LOC400499: variants seen among roughly 807,000 people sequenced by gnomAD.
chr16:11,431,829 C>A, the LOC400499 span, among the ~76,000 whole-genome samples: 1 of 152,176 alleles, frequency 6.6e-6, no homozygotes, highest in Non-Finnish European at 1.5e-5. Flanking sequence ...TGCATTAACA[C>A]GTGAGATCTA....
At chr16:11,375,583 G>A in the LOC400499 span, among the ~76,000 whole-genome samples, 16 of 151,786 alleles carry the variant, frequency 1.1e-4, 1 homozygote, top group East Asian at 1.2e-3. Context: ...AAAGTGCTGG[G>A]ATTACAGGCG....
chr16:11,376,350 TTTC>T, the LOC400499 span, among the ~76,000 whole-genome samples: 1 of 123,660 alleles, frequency 8.1e-6, no homozygotes, highest in Admixed American at 7.7e-5. Flanking sequence ...TTATTGAGGT[TTTC>T]TTTTTTTTTT....
the LOC400499 span, among the ~76,000 whole-genome samples, chr16:11,501,487 G>A: frequency 6.6e-6 from 1 of 152,122 alleles, no homozygotes; most frequent in Non-Finnish European, 1.5e-5. Flanking sequence ...CTCCCAAGTA[G>A]CTGGGACCAC....
the LOC400499 span, among the ~76,000 whole-genome samples, chr16:11,377,049 G>C: frequency 6.6e-6 from 1 of 151,606 alleles, no homozygotes; most frequent in Non-Finnish European, 1.5e-5. Context: ...GACCTCTGAG[G>C]CTCAAGTGAT....
chr16:11,382,223 C>T, the LOC400499 span, among the ~76,000 whole-genome samples: 1 of 152,244 alleles, frequency 6.6e-6, no homozygotes, highest in Non-Finnish European at 1.5e-5. Context: ...CAGGCATAAG[C>T]CACCACACCC....
chr16:11,462,130 C>G, the LOC400499 span: 1 of 1,510,786 alleles, frequency 6.6e-7, no homozygotes, highest in South Asian at 1.2e-5. Flanking sequence ...TCACGTTGGC[C>G]TGGTCACTCA....
At chr16:11,391,817 C>A in the LOC400499 span, 1 of 1,232,254 alleles carries the variant, frequency 8.1e-7, no homozygotes, top group Non-Finnish European at 1.0e-6. Flanking sequence ...GGGACAGCTG[C>A]AGAAGGAGGC....
the LOC400499 span, chr16:11,472,435 T>G: frequency 2.0e-5 from 3 of 152,028 alleles, no homozygotes; most frequent in East Asian, 1.9e-4. Flanking sequence ...TCAGGTGATC[T>G]GCCTGCCTCA....
chr16:11,447,262 G>C, the LOC400499 span, among the ~76,000 whole-genome samples: 1 of 152,176 alleles, frequency 6.6e-6, no homozygotes, highest in South Asian at 2.1e-4. Flanking sequence ...AAAAGGACTT[G>C]ACTGTTCTGT....
chr16:11,516,871 T>C, the LOC400499 span, among the ~76,000 whole-genome samples: 117 of 152,270 alleles, frequency 7.7e-4, 1 homozygote, highest in Non-Finnish European at 1.2e-3. Context: ...GATCTCAAAC[T>C]CCTGAGCTCA....
the LOC400499 span, among the ~76,000 whole-genome samples, chr16:11,459,238 C>T: frequency 6.9e-6 from 1 of 143,932 alleles, no homozygotes; most frequent in Admixed American, 6.9e-5. Flanking sequence ...GCTGTTTCGC[C>T]CAGGCCAGAC....
At chr16:11,421,664 A>T in the LOC400499 span, among the ~76,000 whole-genome samples, 1 of 152,168 alleles carries the variant, frequency 6.6e-6, no homozygotes, top group African/African-American at 2.4e-5. Flanking sequence ...TCGGCCTCCC[A>T]AAGTATTGGG....
At chr16:11,471,528 A>T in the LOC400499 span, 2 of 398,514 alleles carry the variant, frequency 5.0e-6, no homozygotes. Flanking sequence ...GAAGAAACCT[A>T]CAGCAAGACC....
chr16:11,474,841 G>C, the LOC400499 span, among the ~76,000 whole-genome samples: 208 of 152,296 alleles, frequency 1.4e-3, no homozygotes, highest in Non-Finnish European at 2.0e-3. Context: ...TTGCACTCCG[G>C]TCTGGACGAC....
the LOC400499 span, among the ~76,000 whole-genome samples, chr16:11,408,819 C>A: frequency 6.6e-6 from 1 of 151,718 alleles, no homozygotes; most frequent in East Asian, 1.9e-4. Context: ...ATTATATCTG[C>A]AACTTACTTT....
chr16:11,479,702 TC>T, the LOC400499 span, among the ~76,000 whole-genome samples: 1 of 152,148 alleles, frequency 6.6e-6, no homozygotes, highest in Non-Finnish European at 1.5e-5. Flanking sequence ...TCAACTGATT[TC>T]CCCATTGTTA....
the LOC400499 span, chr16:11,442,494 A>G: frequency 6.6e-6 from 1 of 152,352 alleles, no homozygotes; most frequent in South Asian, 2.1e-4. Context: ...AAGTGCTAGT[A>G]TTACAGGCGT....
At chr16:11,414,728 G>C in the LOC400499 span, among the ~76,000 whole-genome samples, 100 of 152,284 alleles carry the variant, frequency 6.6e-4, no homozygotes, top group African/African-American at 2.3e-3. Context: ...TCCAGGCCTG[G>C]GTGGCTCCTT....
the LOC400499 span, among the ~76,000 whole-genome samples, chr16:11,509,408 A>G: frequency 6.7e-6 from 1 of 149,878 alleles, no homozygotes; most frequent in East Asian, 2.0e-4. Flanking sequence ...GTGAGCCACC[A>G]TGCCCAGCCA....
Sources: allele counts gnomAD v4.1 joint callset (sites outside exome capture counted in the v4.1 genomes callset), GRCh38; gene constraint gnomAD v4.1.1; transcripts MANE v1.5.